CTNNA2: variants seen among roughly 807,000 people sequenced by gnomAD.
The protein encoded by CTNNA2 is catenin alpha-2.
A neutral mutation model predicts 101.0 loss-of-function variants in CTNNA2; 42 were observed. That is an observed-to-expected ratio of 0.42 (90% CI 0.32 to 0.54). The LOEUF is 0.54. Ranked by LOEUF, CTNNA2 falls within the 20% of genes least tolerant of loss-of-function variation. The probability of loss-of-function intolerance (pLI) is 0.14; values close to 1 mark genes in which losing one functional copy is unlikely to be tolerated. For missense variants in CTNNA2, 871 were observed against 1,223.1 expected, an observed-to-expected ratio of 0.71 and a Z score of 4.29; for synonymous variants, 450 against 456.4, an observed-to-expected ratio of 0.99 and a Z score of 0.18.
chr2:79,440,370 G>A (rs895570851), intron 4 of CTNNA2, among the ~76,000 whole-genome samples: 4 of 152,106 alleles, frequency 2.6e-5, no homozygotes, highest in Non-Finnish European at 5.9e-5. Flanking sequence ...CCAATGCGCT[G>A]GAGGGTATTC....
intron 7 of CTNNA2, among the ~76,000 whole-genome samples, chr2:80,094,369 C>G (rs530040862): frequency 4.6e-5 from 7 of 152,114 alleles, no homozygotes; most frequent in Non-Finnish European, 1.0e-4. Context: ...GTCTATCTCT[C>G]TGTTTTGGTA....
intron 13 of CTNNA2, among the ~76,000 whole-genome samples, chr2:80,575,436 T>C (rs964323969): frequency 6.6e-6 from 1 of 152,112 alleles, no homozygotes; most frequent in Non-Finnish European, 1.5e-5. Flanking sequence ...TGTGTGCGTG[T>C]ATGTGTGTGT....
At chr2:79,910,411 T>C (rs12987105) in intron 7 of CTNNA2, among the ~76,000 whole-genome samples, 5,436 of 152,268 alleles carry the variant, frequency 0.036, 121 homozygotes, top group South Asian at 0.051. Context: ...TCCTCTCCTA[T>C]AGTTGTAAAA....
At chr2:79,680,677 G>C (rs1004291964) in intron 2 of CTNNA2, among the ~76,000 whole-genome samples, 24 of 152,304 alleles carry the variant, frequency 1.6e-4, no homozygotes, top group African/African-American at 5.8e-4. Context: ...ATTCAAAAGA[G>C]TTCCAGGGAA....
chr2:80,331,863 G>A lies in CTNNA2; in HGVS notation c.1057-61348G>A, dbSNP rs547685032. On this transcript the variant is annotated intron_variant, in intron 7 of 18. Coordinates refer to ENST00000402739, the MANE Select transcript of CTNNA2 (RefSeq NM_001282597.3). ...ATTGTCATAACTTACACCTTGTCTC[G>A]ATCTGGGAAAAAATAATAAAATGAC... 2.3e-3 allele frequency among the ~76,000 whole-genome samples: 351 copies of A among 152,050 alleles called. 2 individuals carry two copies. The highest frequency in any genetic ancestry group is 7.7e-3 in the African/African-American group (320 of 41,494).
chr2:80,002,212 A>C (rs1434897404), intron 7 of CTNNA2, among the ~76,000 whole-genome samples: 1 of 152,202 alleles, frequency 6.6e-6, no homozygotes, highest in African/African-American at 2.4e-5. Context: ...ACTATCTCAC[A>C]AGAGTGCTCT....
intron 7 of CTNNA2, among the ~76,000 whole-genome samples, chr2:80,311,009 G>T (rs1247499503): frequency 6.7e-6 from 1 of 150,246 alleles, no homozygotes; most frequent in Non-Finnish European, 1.5e-5. Flanking sequence ...GAGAAACACA[G>T]AAGTGACAAA....
intron 1 of CTNNA2, among the ~76,000 whole-genome samples, chr2:79,522,961 A>C (rs997737287): frequency 1.3e-5 from 2 of 152,212 alleles, no homozygotes; most frequent in African/African-American, 4.8e-5. Context: ...AATAAAAATC[A>C]CTGCAGTCCA....
chr2:79,997,726 G>T (rs1239023224), intron 7 of CTNNA2, among the ~76,000 whole-genome samples: 5 of 152,154 alleles, frequency 3.3e-5, no homozygotes, highest in Non-Finnish European at 7.3e-5. Flanking sequence ...AAGTTTGCTG[G>T]ACTCTCCTCT....
intron 2 of CTNNA2, among the ~76,000 whole-genome samples, chr2:79,209,532 G>C (rs187008943): frequency 4.6e-5 from 7 of 151,992 alleles, no homozygotes; most frequent in Admixed American, 2.0e-4. Flanking sequence ...GTTTATTCTT[G>C]TATCAGTGAG....
In CTNNA2 at chr2:79,443,903, A is replaced by ACTCTCTCTCTCTCTCTCTCT. The variant is rs3979544; in HGVS notation, c.-134-61132_-134-61113dup. ...AAGCTTTTATCTTATTTGTATACAT[A>ACTCTCTCTCTCTCTCTCTCT]CTCTCTCTCTCTCTCTCTCTCTCTC... On this transcript the variant is annotated intron_variant, in intron 4 of 21. Coordinates refer to the CTNNA2 transcript ENST00000466387. Among the ~76,000 whole-genome samples the ACTCTCTCTCTCTCTCTCTCT allele has an allele frequency of 7.9e-4, 112 of 141,888 alleles. 1 individual carries two copies. The East Asian group carries it at 0.011, about 13-fold the overall frequency. The allele number at this position is 141,888 out of a possible 152,430, so 93.1% of individuals were successfully genotyped here.
chr2:80,395,219 T>C (rs1007565950), intron 8 of CTNNA2, among the ~76,000 whole-genome samples: 1 of 152,232 alleles, frequency 6.6e-6, no homozygotes, highest in Non-Finnish European at 1.5e-5. Context: ...AAGATGGCAG[T>C]GGAAGGAGTG....
Position 80,545,929 on chromosome 2 carries a change from T to C in CTNNA2, c.1406T>C (p.Leu469Pro), listed in dbSNP as rs1692022047. ...TAGGTCATCAATGCCGCTCTGACAC[T>C]GGCTGCCCGGCCACAGAGCAAAGTT... ...CPQVINAALT[L>P]AARPQSKVAQ... The change falls in exon 11 of 19, where the codon CTG (leucine) becomes CCG (proline). Residue 469 changes from leucine (L) to proline (P), a missense_variant. Leu to Pro is a moderately conservative substitution (Grantham distance 98). Transcript: ENST00000402739. The C allele has an allele frequency of 1.9e-6, 3 of 1,614,076 alleles. No homozygotes were observed. Among genetic ancestry groups the C allele is most frequent in the Non-Finnish European group, 2.5e-6 (3 of 1,179,970 alleles).
intron 9 of CTNNA2, among the ~76,000 whole-genome samples, chr2:80,492,312 C>T (rs1687128417): frequency 1.3e-5 from 2 of 152,172 alleles, no homozygotes; most frequent in African/African-American, 4.8e-5. Flanking sequence ...GACTCCCCAG[C>T]CATGCTTCCT....
intron 7 of CTNNA2, among the ~76,000 whole-genome samples, chr2:79,935,179 C>T (rs924462981): frequency 1.3e-5 from 2 of 152,120 alleles, no homozygotes; most frequent in African/African-American, 4.8e-5. Context: ...GCACTTATTA[C>T]TTCTTTTGAT....
intron 4 of CTNNA2, among the ~76,000 whole-genome samples, chr2:79,391,670 G>A (rs1678173883): frequency 6.6e-6 from 1 of 152,110 alleles, no homozygotes; most frequent in Non-Finnish European, 1.5e-5. Context: ...TATAGATGAG[G>A]AAAATGAGTC....
intron 7 of CTNNA2, among the ~76,000 whole-genome samples, chr2:80,261,939 G>A (rs1672642077): frequency 6.6e-6 from 1 of 152,118 alleles, no homozygotes; most frequent in Non-Finnish European, 1.5e-5. Flanking sequence ...GTACATAAAT[G>A]TGGTGACATC....
rs552024248 is a variant in CTNNA2 at position 79,877,705 on chromosome 2, G to A, written c.852+3363G>A. 5.3e-5 allele frequency among the ~76,000 whole-genome samples: 8 copies of A among 152,200 alleles called. No individual in the cohort carries two copies. In the East Asian group the frequency reaches 1.2e-3, roughly 22 times the overall value. On this transcript the variant is annotated intron_variant, in intron 6 of 18. Coordinates refer to ENST00000402739, the MANE Select transcript of CTNNA2 (RefSeq NM_001282597.3). ...TACTTTTCTGGCAAAATCTCTTACT[G>A]ATACTTGGTATAATACCTTTCTCAT...
rs534345449 is a variant in CTNNA2, at chr2:80,452,920, A to G, written c.1290+33319A>G. Among the ~76,000 whole-genome samples, 209 of 152,126 alleles carry G rather than the reference A, an allele frequency of 1.4e-3. 7 individuals are homozygous for G. Among genetic ancestry groups the G allele is most frequent in the African/African-American group, 4.7e-3 (194 of 41,496 alleles). Reference sequence around the variant, plus strand: ...AAGGTATCTGATGGAATGAGGCAAAAATTTCAGAGTTAGTTGGCCAAGTTA... The same window carrying G: ...AAGGTATCTGATGGAATGAGGCAAAGATTTCAGAGTTAGTTGGCCAAGTTA... On this transcript the variant is annotated intron_variant, in intron 9 of 18. Coordinates refer to ENST00000402739, the MANE Select transcript of CTNNA2 (RefSeq NM_001282597.3).
Sources: gnomAD v4.1 joint callset for allele counts (sites outside exome capture counted in the v4.1 genomes callset) on GRCh38, gnomAD v4.1.1 for gene constraint, MANE v1.5 for transcripts, NCBI Gene and HGNC (gene_info 2026-07-23, HGNC 2026-07-21) for gene names.